Variants in NAA16 observed in about 807,000 individuals in gnomAD.
NAA16 encodes NARG1-like protein.
NAA16 carries 97 observed loss-of-function variants against 110.3 expected under a neutral mutation model. The observed-to-expected ratio is 0.88, with a 90% CI of 0.75 to 1.04. The LOEUF is 1.04. Ranked by LOEUF, NAA16 falls within the 50% of genes least tolerant of loss-of-function variation. The probability of loss-of-function intolerance (pLI) is 0.00; values close to 1 mark genes in which losing one functional copy is unlikely to be tolerated. For missense variants in NAA16, 1,017 were observed against 1,005.1 expected (o/e 1.01, Z -0.16); for synonymous variants, 372 against 330.6 (o/e 1.13, Z -1.36).
intron 9 of NAA16, among the ~76,000 whole-genome samples, chr13:41,348,712 G>T (rs2042749489): frequency 6.6e-6 from 1 of 152,052 alleles, no homozygotes; most frequent in African/African-American, 2.4e-5. Flanking sequence ...AGTTTGTGAA[G>T]AATTGGTATT....
intron 12 of NAA16, among the ~76,000 whole-genome samples, chr13:41,360,333 G>T (rs2043086719): frequency 6.6e-6 from 1 of 152,114 alleles, no homozygotes; most frequent in Non-Finnish European, 1.5e-5. Context: ...CAACCACTAA[G>T]TATAATGCAA....
At chr13:41,371,920 G>T (rs576121995) in intron 15 of NAA16, among the ~76,000 whole-genome samples, 10 of 152,136 alleles carry the variant, frequency 6.6e-5, no homozygotes, top group African/African-American at 2.2e-4. Flanking sequence ...GTCATTACAT[G>T]ATGTACCATC....
At chr13:41,323,221 A>T in intron 5 of NAA16, 31 bp downstream of exon 5, 1 of 1,606,100 alleles carries the variant, frequency 6.2e-7, no homozygotes, top group Non-Finnish European at 8.5e-7. Context: ...TTCTACCTTC[A>T]TAAATGGAGT....
intron 5 of NAA16, 97 bp downstream of exon 5, chr13:41,323,287 A>G (rs1490182130): frequency 8.1e-6 from 10 of 1,238,114 alleles, no homozygotes; most frequent in African/African-American, 6.1e-5. Context: ...TTTGAAACCT[A>G]TGGAAAACGG....
intron 9 of NAA16, among the ~76,000 whole-genome samples, chr13:41,351,962 C>A (rs1006615988): frequency 6.6e-6 from 1 of 152,040 alleles, no homozygotes; most frequent in African/African-American, 2.4e-5. Flanking sequence ...TAAACTTGAG[C>A]GAAATAAGTC....
intron 8 of NAA16, among the ~76,000 whole-genome samples, chr13:41,335,262 A>T (rs2042349994): frequency 6.6e-6 from 1 of 152,208 alleles, no homozygotes; most frequent in Admixed American, 6.5e-5. Context: ...CGTGCAAGAC[A>T]TTGTTTACTG....
At chr13:41,338,088 G>C (rs2042431605) in intron 9 of NAA16, among the ~76,000 whole-genome samples, 1 of 152,154 alleles carries the variant, frequency 6.6e-6, no homozygotes. Flanking sequence ...TGTACCCGGT[G>C]CCTGCCAATA....
chr13:41,351,182 C>G (rs2042826166), intron 9 of NAA16, among the ~76,000 whole-genome samples: 1 of 152,110 alleles, frequency 6.6e-6, no homozygotes, highest in Admixed American at 6.5e-5. Context: ...ATACGTAAAG[C>G]ATTGGTGTGT....
chr13:41,320,767 A>C lies in NAA16; in HGVS notation c.345A>C (p.Gln115His), dbSNP rs552994815. 1.9e-6 allele frequency: 3 copies of C among 1,613,338 alleles called. No homozygotes were observed. The highest frequency in any genetic ancestry group is 2.2e-5 in the South Asian group (2 of 90,844). Residue 115 changes from glutamine to histidine, a missense_variant, in exon 4 of 20, where the codon CAA becomes CAC. Coordinates refer to ENST00000379406, the MANE Select transcript of NAA16 (RefSeq NM_024561.5). ...NALKLDKDNL[Q>H]ILRDLSLLQI... is the part of the protein sequence containing the mutation. ...TCAAATTAGATAAAGATAACCTGCAAATTTTGAGGGATCTCTCACTGTTGC... is the reference window on the plus strand; with the variant it reads ...TCAAATTAGATAAAGATAACCTGCACATTTTGAGGGATCTCTCACTGTTGC...
chr13:41,325,773 C>G lies in NAA16; in HGVS notation c.613C>G (p.Leu205Val). Residue 205 changes from leucine to valine, a missense_variant, in exon 6 of 20, where the codon CTG becomes GTG. Transcript: ENST00000379406. ...GAATCAAGTGATGAGAGAGGCAGATCTGTTGCAGGAATCTTTGGAACATAT... is the reference window on the plus strand; with the variant it reads ...GAATCAAGTGATGAGAGAGGCAGATGTGTTGCAGGAATCTTTGGAACATAT... The part of the protein sequence containing the change: ...YQNQVMREAD[L>V]LQESLEHIEM... 6.2e-7 allele frequency: 1 copy of G among 1,603,836 alleles called. No individual in the cohort carries two copies. The highest frequency in any genetic ancestry group is 8.5e-7 in the Non-Finnish European group (1 of 1,171,882).
intron 13 of NAA16, among the ~76,000 whole-genome samples, chr13:41,366,490 A>G (rs967443546): frequency 1.3e-5 from 2 of 152,152 alleles, no homozygotes; most frequent in Non-Finnish European, 2.9e-5. Context: ...GGAGATGGAA[A>G]TGCATGCAGG....
At chr13:41,314,706 C>T (rs2041761843) in intron 1 of NAA16, among the ~76,000 whole-genome samples, 1 of 152,110 alleles carries the variant, frequency 6.6e-6, no homozygotes, top group African/African-American at 2.4e-5. Flanking sequence ...GTAAAATAGG[C>T]TAAGGCCGGC....
intron 4 of NAA16, among the ~76,000 whole-genome samples, chr13:41,322,648 C>T (rs1244504588): frequency 6.6e-6 from 1 of 151,980 alleles, no homozygotes; most frequent in African/African-American, 2.4e-5. Context: ...TGTGTCTGTC[C>T]TGTGTCTGGC....
At chr13:41,330,724 T>A (rs972828052) in intron 7 of NAA16, among the ~76,000 whole-genome samples, 1 of 151,998 alleles carries the variant, frequency 6.6e-6, no homozygotes, top group Non-Finnish European at 1.5e-5. Context: ...CTGTTAGAAG[T>A]GTAATTTATA....
At chr13:41,346,088 G>A (rs901959926) in intron 9 of NAA16, among the ~76,000 whole-genome samples, 21 of 152,034 alleles carry the variant, frequency 1.4e-4, no homozygotes, top group Admixed American at 4.6e-4. Context: ...CAAGTCCAAC[G>A]TCATGAAGAT....
intron 9 of NAA16, among the ~76,000 whole-genome samples, chr13:41,345,014 C>T (rs542016973): frequency 3.4e-4 from 52 of 152,302 alleles, no homozygotes; most frequent in African/African-American, 1.2e-3. Context: ...GCTTCTTTTA[C>T]TTAATATTTT....
chr13:41,314,912 G>C (rs960523902), intron 1 of NAA16, among the ~76,000 whole-genome samples: 13 of 152,164 alleles, frequency 8.5e-5, no homozygotes, highest in Admixed American at 3.3e-4. Flanking sequence ...AAGGTGGGAA[G>C]ATCACTTGAG....
rs775477193 is a variant in NAA16 at position 41,367,614 on chromosome 13, C to T, written c.1715C>T (p.Pro572Leu). ...ATATACTTGAAATTGTATGATAATCCCTTAACCAATGAAAGCAAACAACAA... is the reference window on the plus strand; with the variant it reads ...ATATACTTGAAATTGTATGATAATCTCTTAACCAATGAAAGCAAACAACAA... ...IEIYLKLYDN[P>L]LTNESKQQEI... is the part of the protein sequence containing the mutation. The change falls in exon 14 of 20, where the codon CCC becomes CTC. Residue 572 changes from proline (P) to leucine (L), a missense_variant. Transcript: ENST00000379406. The T allele has an allele frequency of 1.2e-6, 2 of 1,610,842 alleles. No individual in the cohort carries two copies. The highest frequency in any genetic ancestry group is 1.3e-5 in the African/African-American group (1 of 74,848).
chr13:41,352,479 A>G (rs923285979), intron 9 of NAA16, among the ~76,000 whole-genome samples: 1 of 150,524 alleles, frequency 6.6e-6, no homozygotes, highest in Non-Finnish European at 1.5e-5. Flanking sequence ...ACATGACGAA[A>G]CCCCCTCCCT....
Sources: gnomAD v4.1 joint callset for allele counts (sites outside exome capture counted in the v4.1 genomes callset) on GRCh38, gnomAD v4.1.1 for gene constraint, MANE v1.5 for transcripts, NCBI Gene and HGNC (gene_info 2026-07-23, HGNC 2026-07-21) for gene names.